The following SDCCAG8 variants were observed in gnomAD, a reference collection of about 807,000 sequenced individuals.
SDCCAG8 encodes SHH signaling and ciliogenesis regulator SDCCAG8, also known as serologically defined colon cancer antigen 8.
SDCCAG8 carries 74 observed loss-of-function variants against 101.8 expected under a neutral mutation model. That is an observed-to-expected ratio of 0.73 (90% CI 0.60 to 0.88). The LOEUF (loss-of-function observed/expected upper bound fraction) is 0.88, where lower values mean the gene tolerates loss of function less well. SDCCAG8 is among the 40% of genes least tolerant of loss of function. SDCCAG8 has a pLI of 0.00. For missense variants in SDCCAG8, 787 were observed against 822.6 expected, an observed-to-expected ratio of 0.96 and a Z score of 0.53; for synonymous variants, 281 against 292.9, an observed-to-expected ratio of 0.96 and a Z score of 0.41.
At position 243,381,243 on chromosome 1, in the gene SDCCAG8, A is replaced by G. The variant is rs551266233; in HGVS notation, c.1616+2380A>G. Among the ~76,000 whole-genome samples the G allele has an allele frequency of 9.2e-5, 14 of 152,290 alleles. No individual in the cohort carries two copies. The South Asian group carries it at 2.9e-3, about 32-fold the overall frequency. Reference sequence around the variant, plus strand: ...GTAGTAGAGATCTGTACATCAACCTAAAAGAAAAATAGCCTACCACTTTTT... The same window carrying G: ...GTAGTAGAGATCTGTACATCAACCTGAAAGAAAAATAGCCTACCACTTTTT... On this transcript the variant is annotated intron_variant, in intron 13 of 17. Transcript: ENST00000366541.
Position 243,415,749 on chromosome 1 carries a change from CCCAAG to C in SDCCAG8, c.1667_1671del (p.Gln556ProfsTer22), listed in dbSNP as rs1397850976. Reference sequence around the variant, plus strand: ...CAGAGCTTTAGCAAGGAAGCAAAGGCCCAAGCCCTTCAGGCCCAGCAAAGAGAGCA... The same window carrying C: ...CAGAGCTTTAGCAAGGAAGCAAAGGCCCCTTCAGGCCCAGCAAAGAGAGCA... On this transcript the variant is annotated frameshift_variant, in exon 14 of 18. Coordinates refer to ENST00000366541, the MANE Select transcript of SDCCAG8 (RefSeq NM_006642.5). LOFTEE classifies it high-confidence loss of function. The C allele has an allele frequency of 1.9e-6, 3 of 1,613,802 alleles. No individual in the cohort carries two copies. Among genetic ancestry groups the C allele is most frequent in the Non-Finnish European group, 2.5e-6 (3 of 1,179,798 alleles).
chr1:243,432,420 C>G lies in SDCCAG8; in HGVS notation c.1985+5862C>G, dbSNP rs572557790. ...GAAGGGAGAGGATCAGGACAAATAA[C>G]TAATGGGTACTCGGCTTAATACTAG... On this transcript the variant is annotated intron_variant, in intron 16 of 17. Coordinates refer to ENST00000366541, the MANE Select transcript of SDCCAG8 (RefSeq NM_006642.5). 2.4e-4 allele frequency among the ~76,000 whole-genome samples: 37 copies of G among 152,252 alleles called. No homozygotes were observed. The South Asian group carries it at 6.2e-3, about 26-fold the overall frequency.
intron 12 of SDCCAG8, among the ~76,000 whole-genome samples, chr1:243,368,069 A>T (rs1217275084): frequency 1.3e-5 from 2 of 151,892 alleles, no homozygotes; most frequent in Non-Finnish European, 2.9e-5. Context: ...TACAGAAATT[A>T]GCCTGGCATG....
intron 13 of SDCCAG8, among the ~76,000 whole-genome samples, chr1:243,412,680 G>A (rs1212413534): frequency 6.6e-6 from 1 of 151,662 alleles, no homozygotes; most frequent in East Asian, 1.9e-4. Flanking sequence ...CTCCCAGTGT[G>A]ACCCAGGGAA....
intron 17 of SDCCAG8, among the ~76,000 whole-genome samples, chr1:243,497,094 G>A (rs973410623): frequency 4.6e-5 from 7 of 152,158 alleles, no homozygotes; most frequent in Admixed American, 1.3e-4. Flanking sequence ...TCTCCTGGAC[G>A]AGACCATGAT....
At chr1:243,262,884 G>A (rs2067299197) in intron 1 of SDCCAG8, among the ~76,000 whole-genome samples, 1 of 152,198 alleles carries the variant, frequency 6.6e-6, no homozygotes, top group Non-Finnish European at 1.5e-5. Context: ...AAAGCCCACT[G>A]GATACTTAAA....
chr1:243,426,488 C>A lies in SDCCAG8; in HGVS notation c.1915C>A (p.Gln639Lys). The A allele has an allele frequency of 6.2e-7, 1 of 1,613,794 alleles. No homozygotes were observed. The highest frequency in any genetic ancestry group is 8.5e-7 in the Non-Finnish European group (1 of 1,179,832). The change falls in exon 16 of 18, where the codon CAG becomes AAG. Residue 639 changes from glutamine (Q) to lysine (K), a missense_variant. By Grantham distance (53) the Gln-to-Lys change is moderately conservative. Coordinates refer to ENST00000366541, the MANE Select transcript of SDCCAG8 (RefSeq NM_006642.5). ...TACATATGATAAATTGGGAAAGTTA[C>A]AGAGAAGAAATGAAGAATTGGAGGA... is the stretch of plus-strand genomic sequence containing the variant. ...RYTYDKLGKL[Q>K]RRNEELEEQC... is the part of the protein sequence containing the mutation.
At chr1:243,497,677 A>AT (rs1198497148) in intron 17 of SDCCAG8, among the ~76,000 whole-genome samples, 2 of 152,052 alleles carry the variant, frequency 1.3e-5, no homozygotes. Flanking sequence ...TCCGCAACAC[A>AT]TTTTACTTTT....
intron 15 of SDCCAG8, among the ~76,000 whole-genome samples, chr1:243,421,360 C>T (rs1380469220): frequency 2.0e-5 from 3 of 152,178 alleles, no homozygotes; most frequent in Admixed American, 6.5e-5. Context: ...ATGGGCTCGG[C>T]GTGCACGTAC....
intron 16 of SDCCAG8, among the ~76,000 whole-genome samples, chr1:243,430,188 C>G (rs540248338): frequency 6.6e-6 from 1 of 152,082 alleles, no homozygotes; most frequent in Admixed American, 6.6e-5. Flanking sequence ...ACATTTGAAT[C>G]GGTAAGCAGT....
At chr1:243,477,031 C>CAG (rs1420213719) in intron 16 of SDCCAG8, among the ~76,000 whole-genome samples, 1 of 146,116 alleles carries the variant, frequency 6.8e-6, no homozygotes, top group African/African-American at 2.7e-5. Context: ...CACACACACA[C>CAG]ACAGAGAGAA....
At chr1:243,488,647 G>A (rs1206154061) in intron 16 of SDCCAG8, among the ~76,000 whole-genome samples, 1 of 152,152 alleles carries the variant, frequency 6.6e-6, no homozygotes, top group African/African-American at 2.4e-5. Flanking sequence ...CAGCCGGGGC[G>A]GCCGTCTGCT....
At chr1:243,412,624 C>T (rs2080263709) in intron 13 of SDCCAG8, among the ~76,000 whole-genome samples, 1 of 151,342 alleles carries the variant, frequency 6.6e-6, no homozygotes, top group Non-Finnish European at 1.5e-5. Context: ...CATCAGCAAT[C>T]ATTAGTATTA....
chr1:243,353,896 A>G (rs930632662), intron 12 of SDCCAG8, among the ~76,000 whole-genome samples: 5 of 152,222 alleles, frequency 3.3e-5, no homozygotes, highest in African/African-American at 1.2e-4. Flanking sequence ...TTCAAATTTC[A>G]GATAACATAA....
At chr1:243,486,202 C>CAAAAAA (rs57724631) in intron 16 of SDCCAG8, among the ~76,000 whole-genome samples, 7 of 61,416 alleles carry the variant, frequency 1.1e-4, no homozygotes, top group Non-Finnish European at 1.5e-4. Context: ...ACTCTGCCTC[C>CAAAAAA]AAAAAAAAAA....
intron 7 of SDCCAG8, among the ~76,000 whole-genome samples, chr1:243,307,056 T>G (rs1454646565): frequency 1.3e-5 from 2 of 150,028 alleles, no homozygotes; most frequent in Non-Finnish European, 2.9e-5. Context: ...AGAAAGTTTT[T>G]TTTTGTTTTT....
chr1:243,457,158 T>C (rs907116052), intron 16 of SDCCAG8, among the ~76,000 whole-genome samples: 12 of 152,360 alleles, frequency 7.9e-5, no homozygotes, highest in African/African-American at 2.9e-4. Flanking sequence ...AAAAAAATAA[T>C]TTATTGATTA....
chr1:243,394,861 T>C (rs956405538), intron 13 of SDCCAG8, among the ~76,000 whole-genome samples: 6 of 152,032 alleles, frequency 3.9e-5, no homozygotes, highest in Non-Finnish European at 8.8e-5. Context: ...GTTTTTTTTT[T>C]TTCCCCTGTA....
At chr1:243,311,059 C>T (rs2072672037) in intron 8 of SDCCAG8, among the ~76,000 whole-genome samples, 1 of 104,872 alleles carries the variant, frequency 9.5e-6, no homozygotes, top group South Asian at 4.2e-4. Context: ...TTGTGCACTT[C>T]ACTTTTCAAA....
Sources: allele counts gnomAD v4.1 joint callset (sites outside exome capture counted in the v4.1 genomes callset), GRCh38; gene constraint gnomAD v4.1.1; transcripts MANE v1.5; gene names NCBI Gene and HGNC (gene_info 2026-07-23, HGNC 2026-07-21).